Variants in TMEM63C observed in about 807,000 individuals in gnomAD.
The protein encoded by TMEM63C is osmosensitive cation channel TMEM63C.
TMEM63C carries 32 observed loss-of-function variants against 99.2 expected under a neutral mutation model. The ratio of observed to expected loss-of-function variants is 0.32; its 90% CI spans 0.24 to 0.43. TMEM63C has a LOEUF of 0.43. Ranked by LOEUF, TMEM63C falls within the 20% of genes least tolerant of loss-of-function variation. TMEM63C has a pLI of 1.00. For missense variants in TMEM63C, 826 were observed against 1,053.0 expected (o/e 0.78, Z 2.98); for synonymous variants, 376 against 397.9 (o/e 0.94, Z 0.66).
At chr14:77,230,059 G>A (rs1269095571) in intron 6 of TMEM63C, among the ~76,000 whole-genome samples, 1 of 152,056 alleles carries the variant, frequency 6.6e-6, no homozygotes, top group Non-Finnish European at 1.5e-5. Context: ...AAAATTAGCT[G>A]GGCGTGGTGG....
intron 5 of TMEM63C, among the ~76,000 whole-genome samples, chr14:77,221,370 T>C (rs1357915499): frequency 2.0e-5 from 1 of 48,916 alleles, no homozygotes; most frequent in Non-Finnish European, 3.3e-5. Flanking sequence ...CCCCTCCCAC[T>C]CATGCCTCAC....
chr14:77,198,956 G>C (rs1217920648), intron 1 of TMEM63C, among the ~76,000 whole-genome samples: 5 of 152,210 alleles, frequency 3.3e-5, no homozygotes, highest in Non-Finnish European at 5.9e-5. Flanking sequence ...CACTGGACTA[G>C]GCAGCAGCAA....
At chr14:77,254,568 C>T (rs1464231550) in intron 23 of TMEM63C, among the ~76,000 whole-genome samples, 1 of 152,154 alleles carries the variant, frequency 6.6e-6, no homozygotes, top group Non-Finnish European at 1.5e-5. Context: ...GAGCCTGGCG[C>T]TTTGCTGTTT....
rs773781037 is a variant in TMEM63C, at chr14:77,256,702, G to A, written c.2397G>A (p.Leu799=). The A allele has an allele frequency of 6.2e-7, 1 of 1,613,936 alleles. No individual in the cohort carries two copies. Among genetic ancestry groups the A allele is most frequent in the Non-Finnish European group, 8.5e-7 (1 of 1,179,868 alleles). ...DSAQFQEGLE[L]EGQNQYH ...CCCAGTTCCAGGAAGGGCTGGAACTGGAGGGCCAGAACCAGTACCACTGAC... is the reference window on the plus strand; with the variant it reads ...CCCAGTTCCAGGAAGGGCTGGAACTAGAGGGCCAGAACCAGTACCACTGAC... The change falls in exon 24 of 24, where the codon CTG becomes CTA. Residue 799 remains leucine (L), a synonymous_variant. Transcript: ENST00000298351.
intron 5 of TMEM63C, 57 bp downstream of exon 5, chr14:77,220,144 G>T: frequency 6.8e-7 from 1 of 1,478,548 alleles, no homozygotes; most frequent in Non-Finnish European, 9.2e-7. Flanking sequence ...AGGCAGGCGT[G>T]GTGTGCACAG....
intron 19 of TMEM63C, 71 bp downstream of exon 19, chr14:77,248,580 A>G: frequency 6.5e-7 from 1 of 1,541,714 alleles, no homozygotes; most frequent in Non-Finnish European, 8.8e-7. Flanking sequence ...AGAGCCTGCT[A>G]GAAGCACCAA....
chr14:77,204,377 G>A (rs1888360555), intron 1 of TMEM63C, among the ~76,000 whole-genome samples: 1 of 152,198 alleles, frequency 6.6e-6, no homozygotes, highest in South Asian at 2.1e-4. Context: ...TGGAAACCCA[G>A]GGAAATGCTC....
At chr14:77,231,518 C>G (rs1888940780) in intron 6 of TMEM63C, 70 bp from the exon 7 acceptor site, 7 of 1,523,018 alleles carry the variant, frequency 4.6e-6, no homozygotes, top group Non-Finnish European at 6.2e-6. Flanking sequence ...GCCCTTCCCT[C>G]TACCTCCCCG....
intron 9 of TMEM63C, among the ~76,000 whole-genome samples, chr14:77,237,631 C>T (rs557040254): frequency 2.0e-5 from 3 of 152,314 alleles, no homozygotes; most frequent in South Asian, 2.1e-4. Context: ...TTGAGGGTTG[C>T]GCTTGGGGGC....
Position 77,222,343 on chromosome 14 carries a change from T to G in TMEM63C, c.312+2256T>G, listed in dbSNP as rs111780797. 9.8e-3 allele frequency among the ~76,000 whole-genome samples: 1,497 copies of G among 152,254 alleles called. 23 individuals carry two copies. Among genetic ancestry groups the G allele is most frequent in the African/African-American group, 0.034 (1,433 of 41,538 alleles). On this transcript the variant is annotated intron_variant, in intron 5 of 23. Transcript: ENST00000298351. ...TTGTGTTGCTTTGACCTTCCCAGCT[T>G]TCTTTCTCTCCATCACTCCTACCAT...
At chr14:77,208,947 G>A (rs1331386935) in intron 1 of TMEM63C, among the ~76,000 whole-genome samples, 3 of 152,012 alleles carry the variant, frequency 2.0e-5, no homozygotes, top group Admixed American at 6.5e-5. Flanking sequence ...TGCTTGCATC[G>A]TGGGCCCAAT....
At chr14:77,250,167 A>AT (rs1889334004) in intron 21 of TMEM63C, among the ~76,000 whole-genome samples, 1 of 152,094 alleles carries the variant, frequency 6.6e-6, no homozygotes. Context: ...TTGCCAAAAA[A>AT]CCTGGAAGAG....
At chr14:77,198,050 T>A (rs936730027) in intron 1 of TMEM63C, among the ~76,000 whole-genome samples, 1 of 152,262 alleles carries the variant, frequency 6.6e-6, no homozygotes, top group African/African-American at 2.4e-5. Context: ...GTGAGCCCTA[T>A]TTTGAGCTCC....
intron 2 of TMEM63C, among the ~76,000 whole-genome samples, chr14:77,213,838 G>C (rs1002687120): frequency 6.6e-6 from 1 of 152,222 alleles, no homozygotes; most frequent in Non-Finnish European, 1.5e-5. Flanking sequence ...AACTATGGGT[G>C]GCCTAGGCAG....
In TMEM63C at chr14:77,248,444, C is replaced by T; in HGVS notation, c.1699C>T (p.Leu567Phe). 6.3e-7 allele frequency: 1 copy of T among 1,581,358 alleles called. No individual in the cohort carries two copies. The highest frequency in any genetic ancestry group is 8.6e-7 in the Non-Finnish European group (1 of 1,164,126). The change falls in exon 19 of 24, where the codon CTC becomes TTC. Residue 567 changes from leucine (L) to phenylalanine (F), a missense_variant. Leu to Phe is a conservative substitution (Grantham distance 22). Coordinates refer to ENST00000298351, the MANE Select transcript of TMEM63C (RefSeq NM_020431.4). The stretch of plus-strand genomic sequence containing the variant: ...CATGGAGCTGCTGCGTCTGGGGTCA[C>T]TCTTCTGCTACAGCACCCGCCTCTT... ...TGMELLRLGS[L>F]FCYSTRLFFS...
chr14:77,187,509 A>G (rs945870417), intron 1 of TMEM63C, among the ~76,000 whole-genome samples: 2 of 152,036 alleles, frequency 1.3e-5, no homozygotes, highest in Non-Finnish European at 2.9e-5. Flanking sequence ...CAGGCTCCAC[A>G]CTCCATGGAG....
intron 1 of TMEM63C, among the ~76,000 whole-genome samples, chr14:77,186,343 T>C (rs996786243): frequency 1.3e-5 from 2 of 152,064 alleles, no homozygotes; most frequent in African/African-American, 4.8e-5. Flanking sequence ...CACCAAACAA[T>C]GTTCAAGAAT....
intron 18 of TMEM63C, 71 bp from the exon 19 acceptor site, chr14:77,248,276 C>T: frequency 7.1e-7 from 1 of 1,398,622 alleles, no homozygotes; most frequent in East Asian, 2.5e-5. Flanking sequence ...TCTCCTCTCT[C>T]TCCTCCCTTT....
chr14:77,186,809 G>GTGTGTGTC (rs1274491942), intron 1 of TMEM63C, among the ~76,000 whole-genome samples: 15 of 149,912 alleles, frequency 1.0e-4, no homozygotes, highest in Admixed American at 2.6e-4. Flanking sequence ...GTCTGTGTGT[G>GTGTGTGTC]TGTGTGTGTG....
Sources: gnomAD v4.1 joint callset for allele counts (sites outside exome capture counted in the v4.1 genomes callset) on GRCh38, gnomAD v4.1.1 for gene constraint, MANE v1.5 for transcripts, NCBI Gene and HGNC (gene_info 2026-07-23, HGNC 2026-07-21) for gene names.